The following PSMG3 variants were observed in gnomAD, a reference collection of about 807,000 sequenced individuals.
The protein encoded by PSMG3 is PAC-3.
A neutral mutation model predicts 7.9 loss-of-function variants in PSMG3; 4 were observed. The observed-to-expected ratio is 0.51, with a 90% CI of 0.25 to 1.16. The LOEUF is 1.16. PSMG3 is among the 50% of genes most tolerant of loss of function. The probability of loss-of-function intolerance (pLI) is 0.15; values close to 1 mark genes in which losing one functional copy is unlikely to be tolerated. For synonymous variants in PSMG3, 81 were observed against 69.8 expected, an observed-to-expected ratio of 1.16 and a Z score of -0.80; for missense variants, 151 against 157.4, an observed-to-expected ratio of 0.96 and a Z score of 0.22.
In PSMG3 at chr7:1,567,516, GCA is replaced by G; in HGVS notation, c.*180_*181del. 1.7e-6 allele frequency: 1 copy of G among 572,102 alleles called. No homozygotes were observed. Among genetic ancestry groups the G allele is most frequent in the Non-Finnish European group, 3.0e-6 (1 of 330,824 alleles). The allele number at this position is 572,102 out of a possible 1,614,324, so 35.4% of individuals were successfully genotyped here. A position where few individuals can be genotyped will look rare whatever the true frequency, so the allele number is the denominator to read the frequency against. ...GGACCTGTTCCACCCTCCCCGTCAT[GCA>G]CAGATGATCTTAGTAACCAGAGTAA... is the stretch of plus-strand genomic sequence containing the variant. On this transcript the variant is annotated 3_prime_UTR_variant, in exon 2 of 2. Transcript: ENST00000288607.
At position 1,567,744 on chromosome 7, in the gene PSMG3, C is replaced by T. The variant is rs191059544; in HGVS notation, c.323G>A (p.Gly108Glu). 68 of 1,614,116 alleles carry T rather than the reference C, an allele frequency of 4.2e-5. 1 individual carries two copies. In the East Asian group the frequency reaches 1.4e-3, roughly 34 times the overall value. The change falls in exon 2 of 2, where the codon GGG (glycine) becomes GAG (glutamate). Residue 108 changes from glycine to glutamate, a missense_variant. Gly to Glu is a moderately conservative substitution (Grantham distance 98). Coordinates refer to ENST00000288607, the MANE Select transcript of PSMG3 (RefSeq NM_032302.4). Reference sequence around the variant, plus strand: ...GATCACCTCCCTCAGCGCCTTCAGCCCCTCCATGCTTTTGTCCTTCACGGC... The same window carrying T: ...GATCACCTCCCTCAGCGCCTTCAGCTCCTCCATGCTTTTGTCCTTCACGGC... ...AVAVKDKSME[G>E]LKALREVIRV...
chr7:1,567,716 C>G lies in PSMG3; in HGVS notation c.351G>C (p.Arg117=), dbSNP rs562653944. The change falls in exon 2 of 2, where the codon CGG becomes CGC. Residue 117 remains arginine (R), a synonymous_variant. Coordinates refer to ENST00000288607, the MANE Select transcript of PSMG3 (RefSeq NM_032302.4). ...EGLKALREVI[R]VCQVW ...CTCCAGGTCACCACACCTGGCACAC[C>G]CGGATCACCTCCCTCAGCGCCTTCA... 6.2e-7 allele frequency: 1 copy of G among 1,613,968 alleles called. No individual in the cohort carries two copies. Among genetic ancestry groups the G allele is most frequent in the Non-Finnish European group, 8.5e-7 (1 of 1,179,960 alleles).
Position 1,569,160 on chromosome 7 carries a change from A to G in PSMG3, c.180T>C (p.Pro60=). 1 of 1,613,556 alleles carries G rather than the reference A, an allele frequency of 6.2e-7. No individual in the cohort carries two copies. The highest frequency in any genetic ancestry group is 1.7e-5 in the Admixed American group (1 of 60,028). Residue 60 remains proline (P), a synonymous_variant, in exon 1 of 2, where the codon CCT becomes CCC. Coordinates refer to ENST00000288607, the MANE Select transcript of PSMG3 (RefSeq NM_032302.4). ...PSSVASDVSK[P]VLTTKVLLGQ... Reference sequence around the variant, plus strand: ...CCAGAAGGACTTTTGTGGTGAGCACAGGCTTGCTGACGTCACTGGCCACGC... The same window carrying G: ...CCAGAAGGACTTTTGTGGTGAGCACGGGCTTGCTGACGTCACTGGCCACGC...
At position 1,569,470 on chromosome 7, in the gene PSMG3, C is replaced by G. The variant is rs560774231; in HGVS notation, c.-131G>C. On this transcript the variant is annotated 5_prime_UTR_variant, in exon 1 of 2. Transcript: ENST00000288607. ...GCATTGAAACGGAAACGCAAGGAGG[C>G]CCATTCAAAAGAAGGGGCCAGGCGC... 1.3e-6 allele frequency: 1 copy of G among 768,392 alleles called. No individual in the cohort carries two copies. The highest frequency in any genetic ancestry group is 1.8e-5 in the African/African-American group (1 of 57,004). 47.6% of individuals were successfully genotyped at this position (768,392 alleles called of 1,614,324 possible). A position where few individuals can be genotyped will look rare whatever the true frequency, so the allele number is the denominator to read the frequency against.
At chr7:1,568,084 C>G (rs954602656) in intron 1 of PSMG3, among the ~76,000 whole-genome samples, 1 of 152,060 alleles carries the variant, frequency 6.6e-6, no homozygotes, top group African/African-American at 2.4e-5. Flanking sequence ...TCCGCAGCCC[C>G]GCCTCTTCTG....
In PSMG3 at chr7:1,569,625, A is replaced by T. The variant is rs576470740; in HGVS notation, c.-286T>A. ...TCTACCAAAAAAAAAAAAAAAAAAA[A>T]CCAGCAGGGCGCGCCTGTGGTCCCA... On this transcript the variant is annotated 5_prime_UTR_variant, in exon 1 of 2. Transcript: ENST00000288607. 3.6e-6 allele frequency: 1 copy of T among 280,496 alleles called. No homozygotes were observed. Among genetic ancestry groups the T allele is most frequent in the Non-Finnish European group, 6.7e-6 (1 of 148,276 alleles). 17.4% of individuals were successfully genotyped at this position (280,496 alleles called of 1,614,324 possible).
In PSMG3 at chr7:1,567,343, A is replaced by T. The variant is rs895595893; in HGVS notation, c.*355T>A. On this transcript the variant is annotated 3_prime_UTR_variant, in exon 2 of 2. Transcript: ENST00000288607. ...AGGACAGTGAAGTATTTTGGGATAC[A>T]CATTCGCTTTTAATAAAAAAGAAAT... The T allele has an allele frequency of 2.6e-5, 5 of 191,472 alleles. No individual in the cohort carries two copies. Among genetic ancestry groups the T allele is most frequent in the Non-Finnish European group, 5.3e-5 (5 of 94,660 alleles). The allele number at this position is 191,472 out of a possible 1,614,324, so 11.9% of individuals were successfully genotyped here. A position where few individuals can be genotyped will look rare whatever the true frequency, so the allele number is the denominator to read the frequency against.
Position 1,569,469 on chromosome 7 carries a change from G to A in PSMG3, c.-130C>T, listed in dbSNP as rs1452216658. ...GGCATTGAAACGGAAACGCAAGGAG[G>A]CCCATTCAAAAGAAGGGGCCAGGCG... On this transcript the variant is annotated 5_prime_UTR_variant, in exon 1 of 2. Coordinates refer to ENST00000288607, the MANE Select transcript of PSMG3 (RefSeq NM_032302.4). 5 of 774,122 alleles carry A rather than the reference G, an allele frequency of 6.5e-6. No homozygotes were observed. Among genetic ancestry groups the A allele is most frequent in the African/African-American group, 1.8e-5 (1 of 57,072 alleles). 48.0% of individuals were successfully genotyped at this position (774,122 alleles called of 1,614,324 possible). A position where few individuals can be genotyped will look rare whatever the true frequency, so the allele number is the denominator to read the frequency against.
chr7:1,569,172 G>T lies in PSMG3; in HGVS notation c.168C>A (p.Asp56Glu). 6.2e-7 allele frequency: 1 copy of T among 1,613,538 alleles called. No homozygotes were observed. The highest frequency in any genetic ancestry group is 8.5e-7 in the Non-Finnish European group (1 of 1,180,034). ...TTGTGGTGAGCACAGGCTTGCTGAC[G>T]TCACTGGCCACGCTGCTGGGCTCCA... Reference protein sequence around the residue: ...VSLEPSSVASDVSKPVLTTKV... With the variant: ...VSLEPSSVASEVSKPVLTTKV... Residue 56 changes from aspartate to glutamate, a missense_variant, in exon 1 of 2, where the codon GAC (aspartate) becomes GAA (glutamate). By Grantham distance (45) the Asp-to-Glu change is conservative. Transcript: ENST00000288607.
chr7:1,568,054 C>T (rs73044711), intron 1 of PSMG3, among the ~76,000 whole-genome samples: 7,428 of 152,118 alleles, frequency 0.049, 209 homozygotes, highest in Middle Eastern at 0.11. Context: ...ACCATCACTC[C>T]ATTCATTTTC....
At chr7:1,568,387 C>A (rs1209030337) in intron 1 of PSMG3, among the ~76,000 whole-genome samples, 1 of 151,982 alleles carries the variant, frequency 6.6e-6, no homozygotes, top group Non-Finnish European at 1.5e-5. Context: ...TGCCCCATGT[C>A]CTTACTGACA....
chr7:1,569,023 G>C, intron 1 of PSMG3, 101 bp downstream of exon 1: 1 of 903,598 alleles, frequency 1.1e-6, no homozygotes. Flanking sequence ...TGTTGCCCAG[G>C]CTGGTTTCAA....
rs779176547 is a variant in PSMG3 at position 1,567,717 on chromosome 7, C to T, written c.350G>A (p.Arg117Gln). 26 of 1,613,866 alleles carry T rather than the reference C, an allele frequency of 1.6e-5. No homozygotes were observed. The East Asian group carries it at 4.0e-4, about 25-fold the overall frequency. The change falls in exon 2 of 2, where the codon CGG becomes CAG. Residue 117 changes from arginine (R) to glutamine (Q), a missense_variant. Transcript: ENST00000288607. ...EGLKALREVI[R>Q]VCQVW ...TCCAGGTCACCACACCTGGCACACC[C>T]GGATCACCTCCCTCAGCGCCTTCAG...
At chr7:1,568,013 G>GAAC (rs1000280730) in intron 1 of PSMG3, among the ~76,000 whole-genome samples, 163 bp from the exon 2 acceptor site, 1 of 152,094 alleles carries the variant, frequency 6.6e-6, no homozygotes, top group Non-Finnish European at 1.5e-5. Flanking sequence ...GCAGCACTCA[G>GAAC]AACACTCCAG....
In PSMG3 at chr7:1,569,288, C is replaced by G. The variant is rs993790978; in HGVS notation, c.52G>C (p.Gly18Arg). ...ISKQKTEVVC[G>R]VPTQVVCTAF... is the part of the protein sequence containing the mutation. The stretch of plus-strand genomic sequence containing the variant: ...GTACACACCACCTGGGTGGGGACCC[C>G]GCACACCACCTCCGTCTTCTGCTTC... Residue 18 changes from glycine (G) to arginine (R), a missense_variant, in exon 1 of 2, where the codon GGG becomes CGG. Coordinates refer to ENST00000288607, the MANE Select transcript of PSMG3 (RefSeq NM_032302.4). The G allele has an allele frequency of 6.2e-7, 1 of 1,612,878 alleles. No individual in the cohort carries two copies. The highest frequency in any genetic ancestry group is 8.5e-7 in the Non-Finnish European group (1 of 1,179,826).
rs1778829051 is a variant in PSMG3 at position 1,569,133 on chromosome 7, C to T, written c.207G>A (p.Gly69=). Residue 69 remains glycine, a synonymous_variant, in exon 1 of 2, where the codon GGG becomes GGA. Transcript: ENST00000288607. The part of the protein sequence containing the change: ...KPVLTTKVLL[G]QDEPLIHVFA... ...GGCCAATCCACTTTACCTCATCCTG[C>T]CCCAGAAGGACTTTTGTGGTGAGCA... is the stretch of plus-strand genomic sequence containing the variant. 1 of 1,613,276 alleles carries T rather than the reference C, an allele frequency of 6.2e-7. No individual in the cohort carries two copies. Among genetic ancestry groups the T allele is most frequent in the Non-Finnish European group, 8.5e-7 (1 of 1,179,960 alleles).
At chr7:1,569,042 C>A in intron 1 of PSMG3, 82 bp downstream of exon 1, 6 of 1,240,100 alleles carry the variant, frequency 4.8e-6, no homozygotes, top group Non-Finnish European at 6.9e-6. Context: ...AAACTCCTGG[C>A]CTCAAGCGAT....
At chr7:1,569,067 C>T in intron 1 of PSMG3, 57 bp downstream of exon 1, 1 of 1,512,026 alleles carries the variant, frequency 6.6e-7, no homozygotes. Context: ...CCGCCTAGGC[C>T]TCTGAAAGTG....
chr7:1,568,953 CTATATA>C (rs1778823965), intron 1 of PSMG3, among the ~76,000 whole-genome samples, 165 bp downstream of exon 1: 1 of 152,008 alleles, frequency 6.6e-6, no homozygotes, highest in Admixed American at 6.6e-5. Flanking sequence ...CAGCCTCTCT[CTATATA>C]TATATTTTGT....
Sources: gnomAD v4.1 joint callset for allele counts (sites outside exome capture counted in the v4.1 genomes callset) on GRCh38, gnomAD v4.1.1 for gene constraint, MANE v1.5 for transcripts, NCBI Gene and HGNC (gene_info 2026-07-23, HGNC 2026-07-21) for gene names.